The following CARM1 variants were observed in gnomAD, a reference collection of about 807,000 sequenced individuals.
The protein encoded by CARM1 is histone-arginine methyltransferase CARM1.
A neutral mutation model predicts 72.7 loss-of-function variants in CARM1; 14 were observed. That is an observed-to-expected ratio of 0.19 (90% CI 0.13 to 0.30). The LOEUF (loss-of-function observed/expected upper bound fraction) is 0.30, where lower values mean the gene tolerates loss of function less well. CARM1 is among the 10% of genes least tolerant of loss of function. The pLI is 1.00. For missense variants in CARM1, 432 were observed against 833.7 expected, an observed-to-expected ratio of 0.52 and a Z score of 5.93; for synonymous variants, 333 against 345.5, an observed-to-expected ratio of 0.96 and a Z score of 0.40.
chr19:10,908,694 G>A (rs995913952), intron 3 of CARM1: 8 of 186,756 alleles, frequency 4.3e-5, no homozygotes, highest in Non-Finnish European at 4.5e-5. Context: ...CCGATCGCCC[G>A]TTGTCTTACA....
At chr19:10,886,956 C>T (rs909632987) in intron 1 of CARM1, among the ~76,000 whole-genome samples, 2 of 152,160 alleles carry the variant, frequency 1.3e-5, no homozygotes, top group African/African-American at 4.8e-5. Context: ...AGGAGCTGGG[C>T]CTCCTGCCTC....
intron 1 of CARM1, among the ~76,000 whole-genome samples, chr19:10,883,751 C>T (rs181963321): frequency 5.3e-5 from 8 of 152,360 alleles, no homozygotes; most frequent in Non-Finnish European, 1.5e-5. Flanking sequence ...GGAGTGGTGG[C>T]TCACGCCTGT....
intron 8 of CARM1, among the ~76,000 whole-genome samples, chr19:10,917,956 C>T (rs1043553386): frequency 4.6e-5 from 7 of 152,092 alleles, no homozygotes; most frequent in Admixed American, 3.3e-4. Context: ...AGGTGATCCG[C>T]CTGCCTCGGC....
chr19:10,891,637 C>T (rs2073988626), intron 1 of CARM1, among the ~76,000 whole-genome samples: 1 of 152,234 alleles, frequency 6.6e-6, no homozygotes, highest in African/African-American at 2.4e-5. Flanking sequence ...CCCAGTCCGG[C>T]CTGCCCACTC....
At chr19:10,907,995 T>C (rs754340715) in intron 2 of CARM1, 44 bp from the exon 3 acceptor site, 1 of 1,258,856 alleles carries the variant, frequency 7.9e-7, no homozygotes. Flanking sequence ...GGCCACATGC[T>C]GGGTTGCTGA....
chr19:10,912,018 A>G lies in CARM1; in HGVS notation c.559-166A>G, dbSNP rs1322892796. The stretch of plus-strand genomic sequence containing the variant: ...GCTTCTCCTCCCGGAGGACTGGCCC[A>G]TGGCTCATCTTGAGTTCTCGCTTCA... On this transcript the variant is annotated intron_variant, in intron 4 of 15. Coordinates refer to ENST00000327064, the MANE Select transcript of CARM1 (RefSeq NM_199141.2). This position sits in a 1 kb window ranked among gnomAD's most constrained non-coding sequence, Gnocchi z 4.5. Among the ~76,000 whole-genome samples, 2 of 152,218 alleles carry G rather than the reference A, an allele frequency of 1.3e-5. No homozygotes were observed. The highest frequency in any genetic ancestry group is 4.8e-5 in the African/African-American group (2 of 41,468).
intron 1 of CARM1, among the ~76,000 whole-genome samples, chr19:10,898,720 G>A (rs549397006): frequency 6.6e-6 from 1 of 152,218 alleles, no homozygotes; most frequent in Non-Finnish European, 1.5e-5. Flanking sequence ...GGGCCCCAAG[G>A]CTCCCTTCTA....
rs1415417316 is a variant in CARM1, at chr19:10,919,611, G to A, written c.1037G>A (p.Arg346Gln). 1.2e-6 allele frequency: 2 copies of A among 1,613,882 alleles called. No individual in the cohort carries two copies. The highest frequency in any genetic ancestry group is 1.7e-6 in the Non-Finnish European group (2 of 1,179,748). ...RQPVVDTFDIRILMAKSVKYT... is the reference protein window; with the variant it reads ...RQPVVDTFDIQILMAKSVKYT... ...CTCTCCCAGGACACATTTGACATCC[G>A]GATCCTGATGGCCAAGTCTGTCAAG... The change falls in exon 9 of 16, where the codon CGG (arginine) becomes CAG (glutamine). Residue 346 changes from arginine to glutamine, a missense_variant. By Grantham distance (43) the Arg-to-Gln change is conservative. This residue lies in a region of CARM1 where 152 missense variants were observed against 452.8 expected (regional missense o/e 0.34). Transcript: ENST00000327064.
chr19:10,888,543 C>T (rs1197351996), intron 1 of CARM1, among the ~76,000 whole-genome samples: 3 of 152,114 alleles, frequency 2.0e-5, no homozygotes, highest in Admixed American at 6.6e-5. Flanking sequence ...AGTCTTGGCC[C>T]GCGGGAGAAG....
intron 1 of CARM1, among the ~76,000 whole-genome samples, chr19:10,877,570 G>C (rs540271751): frequency 3.4e-5 from 5 of 148,726 alleles, no homozygotes; most frequent in African/African-American, 5.0e-5. Context: ...TTACAGGCCT[G>C]TGCCACCACC....
chr19:10,876,267 C>G (rs2073863961), intron 1 of CARM1, among the ~76,000 whole-genome samples: 1 of 152,156 alleles, frequency 6.6e-6, no homozygotes, highest in Non-Finnish European at 1.5e-5. Context: ...CTCAAGCAGT[C>G]CTCCTGCCTT....
chr19:10,881,937 T>C (rs1288013364), intron 1 of CARM1, among the ~76,000 whole-genome samples: 1 of 151,718 alleles, frequency 6.6e-6, no homozygotes, highest in Non-Finnish European at 1.5e-5. Flanking sequence ...TGAGGAGCGC[T>C]AAATCAGCAA....
In CARM1 at chr19:10,871,628, G is replaced by GGCA. The variant is rs1555723466; in HGVS notation, c.-73_-72insAGC. ...CGGCGGCGGCGGCGGCGGCGGCGGCGGCGGCGGCGGCAGCGGCGGCGGCCT... is the reference window on the plus strand; with the variant it reads ...CGGCGGCGGCGGCGGCGGCGGCGGCGGCAGCGGCGGCGGCAGCGGCGGCGGCCT... On this transcript the variant is annotated 5_prime_UTR_variant, in exon 1 of 16. Transcript: ENST00000327064. This position sits in a 1 kb window ranked among gnomAD's most constrained non-coding sequence, Gnocchi z 5.6. 45 of 138,878 alleles carry GGCA rather than the reference G, an allele frequency of 3.2e-4. 1 individual carries two copies. Among genetic ancestry groups the GGCA allele is most frequent in the South Asian group, 1.2e-3 (5 of 4,188 alleles). The allele number at this position is 138,878 out of a possible 1,614,324, so 8.6% of individuals were successfully genotyped here.
Position 10,878,890 on chromosome 19 carries a change from T to C in CARM1, c.220+6968T>C, listed in dbSNP as rs1007336832. Among the ~76,000 whole-genome samples, 49 of 150,638 alleles carry C rather than the reference T, an allele frequency of 3.3e-4. 1 individual carries two copies. Among genetic ancestry groups the C allele is most frequent in the Non-Finnish European group, 5.9e-4 (40 of 67,730 alleles). On this transcript the variant is annotated intron_variant, in intron 1 of 15. Coordinates refer to ENST00000327064, the MANE Select transcript of CARM1 (RefSeq NM_199141.2). ...GGTGTGATCTCAGCTCACTGCATCC[T>C]CTGCCTCCCGGGTTCAAGCGATTCT...
At chr19:10,885,019 A>G (rs975909966) in intron 1 of CARM1, among the ~76,000 whole-genome samples, 1 of 152,092 alleles carries the variant, frequency 6.6e-6, no homozygotes, top group Non-Finnish European at 1.5e-5. Flanking sequence ...TATTTATTTT[A>G]ATTGTTGTTT....
rs554767183 is a variant in CARM1, at chr19:10,915,433, C to A, written c.848-974C>A. The stretch of plus-strand genomic sequence containing the variant: ...AGGCCTGTGCAAGGAGGACTCCTGT[C>A]CAGCTCAGGAAGCTCTTCCAGGGGT... On this transcript the variant is annotated intron_variant, in intron 6 of 15. Coordinates refer to ENST00000327064, the MANE Select transcript of CARM1 (RefSeq NM_199141.2). The surrounding 1 kb of genome is among the most constrained non-coding windows in gnomAD (Gnocchi z 4.6). 6.6e-6 allele frequency among the ~76,000 whole-genome samples: 1 copy of A among 152,234 alleles called. No homozygotes were observed. The highest frequency in any genetic ancestry group is 2.4e-5 in the African/African-American group (1 of 41,546).
chr19:10,885,388 C>G (rs983301487), intron 1 of CARM1, among the ~76,000 whole-genome samples: 5 of 152,162 alleles, frequency 3.3e-5, no homozygotes, highest in African/African-American at 1.2e-4. Flanking sequence ...GTCTTTCTCC[C>G]GCTAATTGTG....
chr19:10,893,370 ACT>A (rs2074002054), intron 1 of CARM1, among the ~76,000 whole-genome samples: 1 of 140,076 alleles, frequency 7.1e-6, no homozygotes, highest in African/African-American at 2.7e-5. Context: ...ACAGAGTCTT[ACT>A]CTCTCCCCCA....
At position 10,921,942 on chromosome 19, in the gene CARM1, C is replaced by T; in HGVS notation, c.*185C>T. 5 of 575,406 alleles carry T rather than the reference C, an allele frequency of 8.7e-6. No individual in the cohort carries two copies. In the Admixed American group the frequency reaches 1.4e-4, roughly 16 times the overall value. 35.6% of individuals were successfully genotyped at this position (575,406 alleles called of 1,614,324 possible). A position where few individuals can be genotyped will look rare whatever the true frequency, so the allele number is the denominator to read the frequency against. On this transcript the variant is annotated 3_prime_UTR_variant, in exon 16 of 16. Transcript: ENST00000327064. ...CCGTCCCCACCCTAACCCCCACCTC[C>T]CGGCCCTGAGCGTGTGTCGCTGCCA...
Sources: allele counts gnomAD v4.1 joint callset (sites outside exome capture counted in the v4.1 genomes callset), GRCh38; gene constraint gnomAD v4.1.1; regional missense constraint gnomAD v4.1.1; non-coding constraint Gnocchi (gnomAD v3.1); transcripts MANE v1.5; gene names NCBI Gene and HGNC (gene_info 2026-07-23, HGNC 2026-07-21).